The following USH2A variants were observed in gnomAD, a reference collection of about 807,000 sequenced individuals.
The protein encoded by USH2A is usherin.
USH2A carries 443 observed loss-of-function variants against 538.9 expected under a neutral mutation model. The observed-to-expected ratio is 0.82, with a 90% CI of 0.76 to 0.89. USH2A has a LOEUF of 0.89. Ranked by LOEUF, USH2A falls within the 40% of genes least tolerant of loss-of-function variation. The pLI is 0.00. For missense variants in USH2A, 6,633 were observed against 6,324.8 expected (o/e 1.05, Z -1.65); for synonymous variants, 2,413 against 2,273.5 (o/e 1.06, Z -1.75).
intron 21 of USH2A, among the ~76,000 whole-genome samples, chr1:216,128,633 G>A (rs1374392006): frequency 1.3e-5 from 2 of 151,870 alleles, no homozygotes; most frequent in African/African-American, 4.8e-5. Flanking sequence ...CTTAATAGTT[G>A]TAGATATTTA....
chr1:216,201,399 C>G (rs1055549477), intron 16 of USH2A, among the ~76,000 whole-genome samples: 1 of 151,374 alleles, frequency 6.6e-6, no homozygotes, highest in Non-Finnish European at 1.5e-5. Flanking sequence ...ACTTCTGCCT[C>G]CCGGGTTCAA....
At chr1:215,745,644 G>C (rs904928661) in intron 58 of USH2A, among the ~76,000 whole-genome samples, 2 of 152,136 alleles carry the variant, frequency 1.3e-5, no homozygotes, top group African/African-American at 2.4e-5. Flanking sequence ...TTTTTAAGAT[G>C]AGAAAACTAA....
intron 32 of USH2A, among the ~76,000 whole-genome samples, chr1:216,023,396 C>G (rs183822969): frequency 1.7e-3 from 217 of 128,948 alleles, no homozygotes; most frequent in Non-Finnish European, 1.9e-3. Flanking sequence ...CTCTTTCTCC[C>G]TTTTTTTATG....
chr1:215,966,973 C>G (rs1038235055), intron 36 of USH2A, among the ~76,000 whole-genome samples: 10 of 152,080 alleles, frequency 6.6e-5, no homozygotes, highest in African/African-American at 2.4e-4. Flanking sequence ...GGCAATTGTA[C>G]TATTTTGCTC....
intron 35 of USH2A, among the ~76,000 whole-genome samples, chr1:215,989,977 T>C (rs146880520): frequency 6.6e-6 from 1 of 152,320 alleles, no homozygotes; most frequent in Non-Finnish European, 1.5e-5. Flanking sequence ...ATTCAATTGG[T>C]GCTCCCAAGA....
At chr1:215,691,915 G>A (rs532203032) in intron 61 of USH2A, among the ~76,000 whole-genome samples, 6 of 152,258 alleles carry the variant, frequency 3.9e-5, no homozygotes, top group Non-Finnish European at 8.8e-5. Flanking sequence ...TGTAGGTCAA[G>A]TAGAAGAGAG....
At chr1:216,145,632 G>T (rs892373910) in intron 21 of USH2A, among the ~76,000 whole-genome samples, 3 of 152,138 alleles carry the variant, frequency 2.0e-5, no homozygotes, top group Non-Finnish European at 4.4e-5. Flanking sequence ...CCAAGCCATC[G>T]CATCCCCTGT....
At chr1:215,667,694 T>C (rs1657675610) in intron 64 of USH2A, among the ~76,000 whole-genome samples, 2 of 148,092 alleles carry the variant, frequency 1.4e-5, no homozygotes, top group Non-Finnish European at 3.0e-5. Flanking sequence ...CGAGACTGTG[T>C]CTCAGAAAAA....
intron 36 of USH2A, among the ~76,000 whole-genome samples, chr1:215,966,766 T>C: frequency 6.6e-6 from 1 of 152,316 alleles, no homozygotes. Flanking sequence ...CCTATCTATA[T>C]AGTTCATATT....
intron 52 of USH2A, 43 bp from the exon 53 acceptor site, chr1:215,782,978 A>T: frequency 3.8e-6 from 6 of 1,568,156 alleles, no homozygotes; most frequent in Non-Finnish European, 5.2e-6. Flanking sequence ...TCTTATTTTC[A>T]TTTTTTAACC....
At chr1:216,066,942 G>A (rs899525492) in intron 30 of USH2A, among the ~76,000 whole-genome samples, 2 of 152,132 alleles carry the variant, frequency 1.3e-5, no homozygotes, top group Non-Finnish European at 2.9e-5. Context: ...AAAAGCCTTC[G>A]ATGCAGTTAT....
chr1:215,691,446 C>A (rs1658606167), intron 61 of USH2A, among the ~76,000 whole-genome samples: 1 of 152,090 alleles, frequency 6.6e-6, no homozygotes, highest in Non-Finnish European at 1.5e-5. Flanking sequence ...TGCCTTGAGG[C>A]CTCTGTACTG....
At chr1:215,754,949 G>A (rs1219141035) in intron 58 of USH2A, among the ~76,000 whole-genome samples, 1 of 152,096 alleles carries the variant, frequency 6.6e-6, no homozygotes, top group Non-Finnish European at 1.5e-5. Context: ...AGAGATCATT[G>A]CTGTCACGTG....
intron 8 of USH2A, 72 bp from the exon 9 acceptor site, chr1:216,322,048 T>C (rs1237109008): frequency 7.2e-7 from 1 of 1,393,272 alleles, no homozygotes; most frequent in Non-Finnish European, 1.0e-6. Context: ...GTCCTAGGAC[T>C]ATATGCATTA....
chr1:216,011,486 C>T (rs1439215113), intron 32 of USH2A, among the ~76,000 whole-genome samples: 2 of 152,082 alleles, frequency 1.3e-5, no homozygotes, highest in Non-Finnish European at 2.9e-5. Flanking sequence ...TGATTAATCT[C>T]CCAAACCTCA....
chr1:215,673,982 G>C, intron 63 of USH2A, 118 bp downstream of exon 63: 1 of 1,555,768 alleles, frequency 6.4e-7, no homozygotes, highest in Non-Finnish European at 8.8e-7. Context: ...TAGGTGGATG[G>C]AGGTTGGGGA....
chr1:215,648,661 C>CT lies in USH2A; in HGVS notation c.14448dup (p.Gly4817ArgfsTer5). On this transcript the variant is annotated frameshift_variant, in exon 66 of 72. Transcript: ENST00000307340. LOFTEE classifies it high-confidence loss of function. ...TGGGTTCTCAGTTCAGCTGTCGGTC[C>CT]TTTGCTGCAACAGTTGAAGCAGGTG... The CT allele has an allele frequency of 6.2e-7, 1 of 1,614,184 alleles. No homozygotes were observed. The highest frequency in any genetic ancestry group is 8.5e-7 in the Non-Finnish European group (1 of 1,180,036).
chr1:216,327,002 A>G (rs566682303), intron 5 of USH2A, among the ~76,000 whole-genome samples: 2 of 152,248 alleles, frequency 1.3e-5, no homozygotes, highest in East Asian at 3.9e-4. Flanking sequence ...AAGAAGCCCT[A>G]AGAAAGATTT....
intron 4 of USH2A, among the ~76,000 whole-genome samples, chr1:216,360,429 T>C (rs1472688063): frequency 3.9e-5 from 6 of 151,998 alleles, no homozygotes; most frequent in Admixed American, 1.3e-4. Flanking sequence ...ATGAGGAACA[T>C]AGAAGATTTT....
Sources: allele counts gnomAD v4.1 joint callset (sites outside exome capture counted in the v4.1 genomes callset), GRCh38; gene constraint gnomAD v4.1.1; transcripts MANE v1.5; gene names NCBI Gene and HGNC (gene_info 2026-07-23, HGNC 2026-07-21).